The following ARR3 variants were observed in gnomAD, a reference collection of about 807,000 sequenced individuals.
The protein encoded by ARR3 is arrestin-C.
Under a neutral mutation model 35.4 loss-of-function variants are expected in ARR3, and 14 were observed. The ratio of observed to expected loss-of-function variants is 0.40; its 90% CI spans 0.26 to 0.62. The LOEUF is 0.62. ARR3 is among the 20% of genes least tolerant of loss of function. ARR3 has a pLI of 0.46. For synonymous variants in ARR3, 97 were observed against 119.1 expected, an observed-to-expected ratio of 0.81 and a Z score of 1.21; for missense variants, 259 against 303.8, an observed-to-expected ratio of 0.85 and a Z score of 1.10.
chrX:70,276,617 G>A (rs1342866856), intron 7 of ARR3, 52 bp from the exon 8 acceptor site: 1 of 1,184,795 alleles, frequency 8.4e-7, no homozygotes, highest in Non-Finnish European at 1.1e-6. Context: ...GGCCCATGAG[G>A]AAGGGAGGAC....
intron 12 of ARR3, among the ~76,000 whole-genome samples, chrX:70,279,192 A>T (rs2085668046): frequency 8.9e-6 from 1 of 112,504 alleles, no homozygotes. Context: ...GAGGACAAAA[A>T]AGGAAAATGA....
chrX:70,278,207 G>T, intron 11 of ARR3, 69 bp downstream of exon 11: 4 of 993,701 alleles, frequency 4.0e-6, no homozygotes, highest in Non-Finnish European at 4.2e-6. Context: ...CCAGGAGGCA[G>T]TTGAGGGGGT....
At chrX:70,277,959 C>G in intron 10 of ARR3, 107 bp from the exon 11 acceptor site, 1 of 874,575 alleles carries the variant, frequency 1.1e-6, no homozygotes, top group Non-Finnish European at 1.7e-6. Flanking sequence ...TGTCTCACTG[C>G]ATCATGTATA....
intron 9 of ARR3, 27 bp from the exon 10 acceptor site, chrX:70,277,689 T>C: frequency 1.7e-6 from 2 of 1,200,445 alleles, no homozygotes; most frequent in South Asian, 3.6e-5. Context: ...CCTCCAGCCT[T>C]GACATGGGTC....
rs2085624181 is a variant in ARR3 at position 70,270,105 on chromosome X, G to T, written c.106G>T (p.Val36Phe). The T allele has an allele frequency of 8.3e-7, 1 of 1,211,935 alleles. No homozygotes were observed. Among genetic ancestry groups the T allele is most frequent in the East Asian group, 3.0e-5 (1 of 33,867 alleles). ...GTCTGTCCTTCTCTCCACAGACGGT[G>T]TTGTCCTGGTTGATCCTGAGTACTT... ...HVDTVEPIDGVVLVDPEYLKC... is the reference protein window; with the variant it reads ...HVDTVEPIDGFVLVDPEYLKC... The change falls in exon 5 of 17, where the codon GTT becomes TTT. Residue 36 changes from valine (V) to phenylalanine (F), a missense_variant. Physicochemically the swap from Val to Phe is conservative, Grantham distance 50. Coordinates refer to ENST00000307959, the MANE Select transcript of ARR3 (RefSeq NM_004312.3).
At chrX:70,275,335 C>T (rs1034279491) in intron 5 of ARR3, among the ~76,000 whole-genome samples, 2 of 112,215 alleles carry the variant, frequency 1.8e-5, no homozygotes, top group African/African-American at 3.2e-5. Flanking sequence ...TTGCATTTAT[C>T]TGATTACTCA....
chrX:70,281,048 T>C (rs777080458), intron 15 of ARR3, 51 bp from the exon 16 acceptor site: 1 of 1,184,065 alleles, frequency 8.4e-7, no homozygotes, highest in East Asian at 3.0e-5. Context: ...CCGAAGAGCC[T>C]CTAATCAGCT....
rs199819142 is a variant in ARR3 at position 70,278,682 on chromosome X, T to C, written c.905+41T>C. On this transcript the variant is annotated intron_variant, in intron 12 of 16. Transcript: ENST00000307959. ...ACTCTCAGCCTCCATTTCCTACCCC[T>C]CAACCATTCCACATGCTACATTTAC... 9.8e-5 allele frequency: 116 copies of C among 1,180,053 alleles called. 1 individual carries two copies. The East Asian group carries it at 3.2e-3, about 33-fold the overall frequency.
intron 15 of ARR3, 28 bp from the exon 16 acceptor site, chrX:70,281,071 T>C: frequency 8.3e-7 from 1 of 1,209,494 alleles, no homozygotes. Flanking sequence ...AGCTCCATTT[T>C]TTCCCTCCGT....
At chrX:70,276,910 A>G (rs1463830801) in intron 8 of ARR3, among the ~76,000 whole-genome samples, 174 bp downstream of exon 8, 1 of 111,879 alleles carries the variant, frequency 8.9e-6, no homozygotes, top group Non-Finnish European at 1.9e-5. Context: ...AGGGGTCAGC[A>G]AACTTTTCTG....
At chrX:70,275,787 A>G (rs1403001362) in intron 5 of ARR3, among the ~76,000 whole-genome samples, 1 of 101,970 alleles carries the variant, frequency 9.8e-6, no homozygotes, top group Non-Finnish European at 2.0e-5. Context: ...CTCCTGCCTC[A>G]GCCTCCCAAG....
intron 5 of ARR3, among the ~76,000 whole-genome samples, chrX:70,271,655 C>T (rs1047850859): frequency 3.6e-5 from 4 of 111,843 alleles, no homozygotes; most frequent in Non-Finnish European, 7.5e-5. Context: ...GTAAAAAATA[C>T]CTAAGGTGGC....
At chrX:70,277,602 G>A in intron 9 of ARR3, 73 bp downstream of exon 9, 1 of 1,184,154 alleles carries the variant, frequency 8.4e-7, no homozygotes, top group Non-Finnish European at 1.1e-6. Flanking sequence ...TTTCCTACTT[G>A]GGCAGGCAGA....
At chrX:70,277,967 A>G (rs914899527) in intron 10 of ARR3, 99 bp from the exon 11 acceptor site, 3 of 893,395 alleles carry the variant, frequency 3.4e-6, no homozygotes, top group African/African-American at 2.0e-5. Context: ...TGCATCATGT[A>G]TAGTGTGCCT....
intron 1 of ARR3, among the ~76,000 whole-genome samples, chrX:70,268,845 C>T (rs764059108): frequency 1.8e-5 from 2 of 112,326 alleles, no homozygotes; most frequent in South Asian, 7.3e-4. Context: ...GGATCCATTG[C>T]AGGAGCAGAA....
At chrX:70,274,429 G>A (rs1191955748) in intron 5 of ARR3, among the ~76,000 whole-genome samples, 1 of 111,324 alleles carries the variant, frequency 9.0e-6, no homozygotes, top group Non-Finnish European at 1.9e-5. Flanking sequence ...TCGAACTCCT[G>A]TCCTCAAGCG....
intron 10 of ARR3, 56 bp downstream of exon 10, chrX:70,277,856 C>A: frequency 1.9e-6 from 2 of 1,075,603 alleles, no homozygotes; most frequent in East Asian, 3.2e-5. Context: ...GGTCTTTTCC[C>A]AAAATTCTAT....
At position 70,280,572 on chromosome X, in the gene ARR3, C is replaced by G; in HGVS notation, c.1003C>G (p.Leu335Val). 1.7e-6 allele frequency: 2 copies of G among 1,203,121 alleles called. No homozygotes were observed. Among genetic ancestry groups the G allele is most frequent in the African/African-American group, 3.5e-5 (2 of 57,463 alleles). ...TTCTACCCACAGCATCCTAGGAGACCTGACAGCCAGGTGAGAGACTGTGGG... is the reference window on the plus strand; with the variant it reads ...TTCTACCCACAGCATCCTAGGAGACGTGACAGCCAGGTGAGAGACTGTGGG... ...MVSCGGILGDLTASDVGVELP... is the reference protein window; with the variant it reads ...MVSCGGILGDVTASDVGVELP... The change falls in exon 14 of 17, where the codon CTG becomes GTG. Residue 335 changes from leucine to valine, a missense_variant. Transcript: ENST00000307959.
At chrX:70,279,804 C>T (rs927538368) in intron 12 of ARR3, among the ~76,000 whole-genome samples, 2 of 112,005 alleles carry the variant, frequency 1.8e-5, no homozygotes, top group African/African-American at 6.5e-5. Flanking sequence ...ACTAGGGACA[C>T]AGCATGGGCA....
Sources: gnomAD v4.1 joint callset for allele counts (sites outside exome capture counted in the v4.1 genomes callset) on GRCh38, gnomAD v4.1.1 for gene constraint, MANE v1.5 for transcripts, NCBI Gene and HGNC (gene_info 2026-07-23, HGNC 2026-07-21) for gene names.